EGFLAM: variants seen among roughly 807,000 people sequenced by gnomAD.
EGFLAM encodes the protein EGF like, fibronectin type III and laminin G domains.
EGFLAM carries 79 observed loss-of-function variants against 113.1 expected under a neutral mutation model. That is an observed-to-expected ratio of 0.70 (90% confidence interval 0.58 to 0.84). The LOEUF is 0.84. Ranked by LOEUF, EGFLAM falls within the 40% of genes least tolerant of loss-of-function variation. The pLI is 0.00. For missense variants in EGFLAM, 1,265 were observed against 1,291.6 expected, an observed-to-expected ratio of 0.98 and a Z score of 0.32; for synonymous variants, 504 against 487.6, an observed-to-expected ratio of 1.03 and a Z score of -0.44.
At chr5:38,431,060 C>A in intron 14 of EGFLAM, 117 bp from the exon 15 acceptor site, 1 of 854,166 alleles carries the variant, frequency 1.2e-6, no homozygotes. Flanking sequence ...AGATGCTCAT[C>A]TCTACCAGAA....
chr5:38,407,974 G>C (rs1193013734), intron 9 of EGFLAM, 69 bp downstream of exon 9: 1 of 1,280,090 alleles, frequency 7.8e-7, no homozygotes, highest in East Asian at 2.3e-5. Flanking sequence ...TACATTCAAA[G>C]GCTGGGGGAG....
chr5:38,448,882 C>G (rs541217561), intron 18 of EGFLAM, among the ~76,000 whole-genome samples: 1 of 152,342 alleles, frequency 6.6e-6, no homozygotes, highest in South Asian at 2.1e-4. Flanking sequence ...GCAAAGGTCT[C>G]TTGTCCTCTT....
At chr5:38,456,267 G>A (rs1365812191) in intron 19 of EGFLAM, among the ~76,000 whole-genome samples, 1 of 152,176 alleles carries the variant, frequency 6.6e-6, no homozygotes, top group Admixed American at 6.5e-5. Flanking sequence ...TATGAAGCAA[G>A]TTGCCCAAGG....
intron 6 of EGFLAM, among the ~76,000 whole-genome samples, chr5:38,394,287 A>G (rs6896008): frequency 0.12 from 17,969 of 151,942 alleles, 3,420 homozygotes; most frequent in African/African-American, 0.4. Flanking sequence ...GCCTAAGGGT[A>G]CGGTTTAGCC....
At chr5:38,331,073 T>TA (rs1197109458) in intron 1 of EGFLAM, among the ~76,000 whole-genome samples, 6 of 152,316 alleles carry the variant, frequency 3.9e-5, no homozygotes, top group African/African-American at 1.4e-4. Flanking sequence ...ACCTATTTTT[T>TA]ATCAAATTTG....
chr5:38,446,298 C>T (rs1191536900), intron 17 of EGFLAM, among the ~76,000 whole-genome samples: 1 of 152,140 alleles, frequency 6.6e-6, no homozygotes, highest in Non-Finnish European at 1.5e-5. Context: ...CCCTCCCCTC[C>T]TTTTCCGGCG....
intron 1 of EGFLAM, among the ~76,000 whole-genome samples, chr5:38,296,640 A>G (rs1758458630): frequency 6.6e-6 from 1 of 152,084 alleles, no homozygotes; most frequent in South Asian, 2.1e-4. Flanking sequence ...AATTCATAAT[A>G]CCACAGTAGT....
At chr5:38,336,473 CTGAGGCAGGAGAATGGCG>C (rs1288244758) in intron 1 of EGFLAM, among the ~76,000 whole-genome samples, 4 of 151,958 alleles carry the variant, frequency 2.6e-5, no homozygotes, top group African/African-American at 9.7e-5. Flanking sequence ...ACTCCGGAGG[CTGAGGCAGGAGAATGGCG>C]TGAACCCGGG....
intron 6 of EGFLAM, among the ~76,000 whole-genome samples, chr5:38,379,218 G>A (rs564958134): frequency 9.9e-5 from 15 of 152,190 alleles, no homozygotes; most frequent in African/African-American, 2.9e-4. Flanking sequence ...ACCCACAGAG[G>A]GGTTAATAAC....
intron 3 of EGFLAM, among the ~76,000 whole-genome samples, chr5:38,343,616 A>T (rs1739401034): frequency 6.6e-6 from 1 of 152,162 alleles, no homozygotes; most frequent in Non-Finnish European, 1.5e-5. Flanking sequence ...ACTTCCTGTG[A>T]CCAGGGAATA....
In EGFLAM at chr5:38,264,785, T is replaced by G. The variant is rs111835600; in HGVS notation, c.97+5934T>G. ...CTCATTTATCAGGGAAATCTTTAGCTCACAAAAGCCGTGGGGCACTAGAAG... is the reference window on the plus strand; with the variant it reads ...CTCATTTATCAGGGAAATCTTTAGCGCACAAAAGCCGTGGGGCACTAGAAG... On this transcript the variant is annotated intron_variant, in intron 1 of 21. Transcript: ENST00000322350. Among the ~76,000 whole-genome samples, 674 of 152,292 alleles carry G rather than the reference T, an allele frequency of 4.4e-3. 7 individuals are homozygous for G. Among genetic ancestry groups the G allele is most frequent in the African/African-American group, 0.015 (629 of 41,560 alleles).
intron 6 of EGFLAM, among the ~76,000 whole-genome samples, chr5:38,378,917 C>T (rs1740437565): frequency 6.6e-6 from 1 of 152,158 alleles, no homozygotes; most frequent in Non-Finnish European, 1.5e-5. Context: ...GACCACTCTT[C>T]AAGATGAAGG....
intron 16 of EGFLAM, among the ~76,000 whole-genome samples, chr5:38,437,125 C>A (rs1437318491): frequency 6.6e-6 from 1 of 152,198 alleles, no homozygotes; most frequent in Non-Finnish European, 1.5e-5. Flanking sequence ...AACCCAGTAG[C>A]CCCTCCTCAT....
At chr5:38,418,278 G>A (rs370312446) in intron 12 of EGFLAM, 23 bp downstream of exon 12, 5 of 1,612,406 alleles carry the variant, frequency 3.1e-6, no homozygotes, top group African/African-American at 1.3e-5. Flanking sequence ...CTGGTGGGTT[G>A]GGGTACTCTT....
At chr5:38,318,758 C>A (rs1341452278) in intron 1 of EGFLAM, among the ~76,000 whole-genome samples, 1 of 152,144 alleles carries the variant, frequency 6.6e-6, no homozygotes, top group Non-Finnish European at 1.5e-5. Context: ...CCCGCATCGG[C>A]CTCCCAAAGT....
chr5:38,314,909 T>A (rs559390564), intron 1 of EGFLAM, among the ~76,000 whole-genome samples: 4 of 152,202 alleles, frequency 2.6e-5, no homozygotes, highest in Non-Finnish European at 5.9e-5. Flanking sequence ...GGGGACAGTA[T>A]GGAGCGGAGC....
At chr5:38,436,635 C>T (rs545960839) in intron 16 of EGFLAM, among the ~76,000 whole-genome samples, 16 of 152,328 alleles carry the variant, frequency 1.1e-4, no homozygotes, top group African/African-American at 3.8e-4. Context: ...CCTCTGCCCG[C>T]TCTTCTCAGG....
intron 1 of EGFLAM, among the ~76,000 whole-genome samples, chr5:38,299,529 T>C (rs1758522885): frequency 6.6e-6 from 1 of 152,150 alleles, no homozygotes; most frequent in African/African-American, 2.4e-5. Flanking sequence ...GGATCCCTCT[T>C]GAATGGCTTA....
intron 5 of EGFLAM, among the ~76,000 whole-genome samples, chr5:38,366,519 A>G (rs1404295192): frequency 6.6e-6 from 1 of 152,234 alleles, no homozygotes; most frequent in African/African-American, 2.4e-5. Context: ...AGCCCATGGC[A>G]GCCACCTATG....
Sources: allele counts gnomAD v4.1 joint callset (sites outside exome capture counted in the v4.1 genomes callset), GRCh38; gene constraint gnomAD v4.1.1; transcripts MANE v1.5; gene names NCBI Gene and HGNC (gene_info 2026-07-23, HGNC 2026-07-21).